Variants in REV1 observed in about 807,000 individuals in gnomAD.
REV1 encodes the protein REV1 DNA directed polymerase, also known as translesion synthesis protein REV1.
Under a neutral mutation model 137.4 loss-of-function variants are expected in REV1, and 42 were observed. The ratio of observed to expected loss-of-function variants is 0.31; its 90% CI spans 0.24 to 0.40. REV1 has a LOEUF of 0.40. Ranked by LOEUF, REV1 falls within the 10% of genes least tolerant of loss-of-function variation. The probability of loss-of-function intolerance (pLI) is 1.00; values close to 1 mark genes in which losing one functional copy is unlikely to be tolerated. For missense variants in REV1, 1,282 were observed against 1,490.1 expected (o/e 0.86, Z 2.30); for synonymous variants, 524 against 519.2 (o/e 1.01, Z -0.12).
intron 14 of REV1, among the ~76,000 whole-genome samples, chr2:99,409,867 C>A (rs201286407): frequency 0.53 from 57,930 of 109,418 alleles, 16,133 homozygotes; most frequent in Admixed American, 0.61. Flanking sequence ...CCCCCCCCCC[C>A]AAAAAAAACA....
At chr2:99,476,531 G>A (rs1685996986) in intron 1 of REV1, among the ~76,000 whole-genome samples, 1 of 150,452 alleles carries the variant, frequency 6.6e-6, no homozygotes, top group African/African-American at 2.5e-5. Flanking sequence ...ACTCCAGGCT[G>A]GGTGACAGAG....
chr2:99,472,997 C>T (rs1223591008), intron 1 of REV1, among the ~76,000 whole-genome samples: 4 of 152,048 alleles, frequency 2.6e-5, no homozygotes, highest in Non-Finnish European at 4.4e-5. Context: ...TGAAGTTGTA[C>T]GGGCACTACA....
chr2:99,419,266 T>C (rs1385916943), intron 11 of REV1, among the ~76,000 whole-genome samples: 1 of 146,148 alleles, frequency 6.8e-6, no homozygotes, highest in African/African-American at 2.6e-5. Context: ...AGCTGGAGTG[T>C]AGTGGTTGTG....
chr2:99,425,595 A>G (rs1018158823), intron 9 of REV1, among the ~76,000 whole-genome samples: 3 of 152,246 alleles, frequency 2.0e-5, no homozygotes, highest in Non-Finnish European at 4.4e-5. Context: ...TATATGTAGA[A>G]ACATAAAATA....
chr2:99,449,292 T>C, intron 4 of REV1, 44 bp downstream of exon 4: 1 of 1,192,336 alleles, frequency 8.4e-7, no homozygotes, highest in Non-Finnish European at 1.1e-6. Context: ...AAAAGTATTC[T>C]AACTTTAAAA....
At chr2:99,482,846 G>A (rs961880228) in intron 1 of REV1, among the ~76,000 whole-genome samples, 1 of 151,748 alleles carries the variant, frequency 6.6e-6, no homozygotes, top group African/African-American at 2.4e-5. Flanking sequence ...GTGAAACCCC[G>A]TCTCTACTAA....
intron 3 of REV1, among the ~76,000 whole-genome samples, chr2:99,453,615 C>A (rs1683168978): frequency 6.6e-6 from 1 of 152,024 alleles, no homozygotes; most frequent in Non-Finnish European, 1.5e-5. Context: ...TCAAAACAGG[C>A]CAGGTATGGC....
At chr2:99,409,945 T>G (rs527500973) in intron 14 of REV1, among the ~76,000 whole-genome samples, 8 of 149,824 alleles carry the variant, frequency 5.3e-5, no homozygotes, top group African/African-American at 2.0e-4. Flanking sequence ...ACCAATTAAA[T>G]GTATACACCT....
intron 1 of REV1, among the ~76,000 whole-genome samples, chr2:99,477,877 T>C (rs1201516702): frequency 6.6e-6 from 1 of 152,210 alleles, no homozygotes; most frequent in African/African-American, 2.4e-5. Flanking sequence ...GACTAATGCT[T>C]TTCTTCCCTT....
intron 11 of REV1, among the ~76,000 whole-genome samples, chr2:99,420,800 T>C (rs1283382404): frequency 6.6e-6 from 1 of 152,208 alleles, no homozygotes; most frequent in Non-Finnish European, 1.5e-5. Flanking sequence ...TAACTTTACC[T>C]TCCAAGCCTG....
At chr2:99,459,337 G>A (rs1683911802) in intron 3 of REV1, among the ~76,000 whole-genome samples, 1 of 152,160 alleles carries the variant, frequency 6.6e-6, no homozygotes, top group African/African-American at 2.4e-5. Flanking sequence ...ACTGGGTAAA[G>A]GGTTCACAGT....
At chr2:99,432,644 T>C (rs1409618144) in intron 8 of REV1, among the ~76,000 whole-genome samples, 2 of 152,208 alleles carry the variant, frequency 1.3e-5, no homozygotes, top group African/African-American at 2.4e-5. Flanking sequence ...CAAACTGTCA[T>C]ATAATCTTTT....
chr2:99,478,396 A>G (rs1220054832), intron 1 of REV1, among the ~76,000 whole-genome samples: 1 of 152,228 alleles, frequency 6.6e-6, no homozygotes, highest in Non-Finnish European at 1.5e-5. Context: ...AGGATGTTCT[A>G]CACATCTCAA....
chr2:99,411,379 A>C lies in REV1; in HGVS notation c.2173-512T>G, dbSNP rs370065152. 4.0e-5 allele frequency among the ~76,000 whole-genome samples: 6 copies of C among 151,822 alleles called. No individual in the cohort carries two copies. In the East Asian group the frequency reaches 9.7e-4, roughly 25 times the overall value. The stretch of plus-strand genomic sequence containing the variant: ...CCTTCCCAACAAAGTGAAAGTAATG[A>C]GTACTTTTAAAAGATATTTTTCCTT... On this transcript the variant is annotated intron_variant, in intron 13 of 22. Coordinates refer to ENST00000258428, the MANE Select transcript of REV1 (RefSeq NM_016316.4).
rs1315101728 is a variant in REV1, at chr2:99,410,828, C to G, written c.2212G>C (p.Glu738Gln). The G allele has an allele frequency of 6.3e-7, 1 of 1,598,230 alleles. No homozygotes were observed. Among genetic ancestry groups the G allele is most frequent in the African/African-American group, 1.4e-5 (1 of 73,506 alleles). The change falls in exon 14 of 23, where the codon GAA becomes CAA. Residue 738 changes from glutamate to glutamine, a missense_variant. Physicochemically the swap from Glu to Gln is conservative, Grantham distance 29 (BLOSUM62 2). Coordinates refer to ENST00000258428, the MANE Select transcript of REV1 (RefSeq NM_016316.4). ...AEAFLLSLSE[E>Q]IQRRLEATGM... ...GTGGCTTCTAGTCTTCTTTGAATTT[C>G]TTCTGAAAGACTCAGAAGAAAAGCT...
chr2:99,484,833 G>A (rs544640379), intron 1 of REV1, among the ~76,000 whole-genome samples: 26 of 152,268 alleles, frequency 1.7e-4, no homozygotes, highest in African/African-American at 5.8e-4. Context: ...ACAGCAGACC[G>A]GTTATGACCT....
intron 17 of REV1, 63 bp downstream of exon 17, chr2:99,405,847 G>C (rs1161909891): frequency 8.9e-7 from 1 of 1,124,126 alleles, no homozygotes; most frequent in African/African-American, 1.6e-5. Flanking sequence ...TTGTAAACTT[G>C]TATTTTTGTA....
chr2:99,431,713 C>T (rs1163321246), intron 8 of REV1: 1 of 985,098 alleles, frequency 1.0e-6, no homozygotes, highest in Non-Finnish European at 1.2e-6. Context: ...GCAGCACCAT[C>T]GTGTTCCTCT....
intron 1 of REV1, among the ~76,000 whole-genome samples, chr2:99,471,146 TTGCCTTTGG>T (rs1685364740): frequency 6.6e-6 from 1 of 151,664 alleles, no homozygotes; most frequent in South Asian, 2.1e-4. Flanking sequence ...GAAACACAAT[TTGCCTTTGG>T]TGCCCTGCCA....
Sources: allele counts gnomAD v4.1 joint callset (sites outside exome capture counted in the v4.1 genomes callset), GRCh38; gene constraint gnomAD v4.1.1; transcripts MANE v1.5; gene names NCBI Gene and HGNC (gene_info 2026-07-23, HGNC 2026-07-21).